Variants in TCF4 observed in about 807,000 individuals in gnomAD.
TCF4 encodes SL3-3 enhancer factor 2.
In TCF4, 3 loss-of-function variants were observed where a neutral mutation model predicts 82.1. The ratio of observed to expected loss-of-function variants is 0.04; its 90% CI spans 0.02 to 0.09. The LOEUF (loss-of-function observed/expected upper bound fraction) is 0.09, where lower values mean the gene tolerates loss of function less well. Ranked by LOEUF, TCF4 falls within the 10% of genes least tolerant of loss-of-function variation. The probability of loss-of-function intolerance (pLI) is 1.00; values close to 1 mark genes in which losing one functional copy is unlikely to be tolerated. For synonymous variants in TCF4, 276 were observed against 309.6 expected (o/e 0.89, Z 1.14); for missense variants, 518 against 852.7 (o/e 0.61, Z 4.89).
chr18:55,588,281 C>T (rs1465539351), upstream of TCF4: 6 of 1,442,690 alleles, frequency 4.2e-6, no homozygotes, highest in African/African-American at 7.2e-5. Context: ...GGGGGAAACA[C>T]GCCGAGGCGC....
At chr18:55,588,322 TG>T (rs1178491278), upstream of TCF4, 5 of 1,388,528 alleles carry the variant, frequency 3.6e-6, no homozygotes, top group Non-Finnish European at 4.7e-6. Context: ...AAGAAATGGG[TG>T]GGGGGGCTCC....
In TCF4 at chr18:55,227,857, G is replaced by GTT. The variant is rs926462793; in HGVS notation, c.*176_*177dup. 3.0e-5 allele frequency: 7 copies of GTT among 230,072 alleles called. No homozygotes were observed. Among genetic ancestry groups the GTT allele is most frequent in the African/African-American group, 1.7e-4 (7 of 42,254 alleles). The allele number at this position is 230,072 out of a possible 1,614,324, so 14.3% of individuals were successfully genotyped here. On this transcript the variant is annotated 3_prime_UTR_variant, in exon 20 of 20. Transcript: ENST00000354452. The stretch of plus-strand genomic sequence containing the variant: ...TTTTCTTTCTTTTTTTTGTTTTTCT[G>GTT]TTTTTTGATAATTGGGAATGCTGAA...
intron 8 of TCF4, chr18:55,321,806 T>C (rs1256390422): frequency 6.6e-7 from 1 of 1,510,882 alleles, no homozygotes; most frequent in African/African-American, 1.4e-5. Flanking sequence ...CTGTCCCTTT[T>C]TTCACAACAA....
chr18:55,412,448 G>T (rs890778966), intron 5 of TCF4, among the ~76,000 whole-genome samples: 3 of 151,896 alleles, frequency 2.0e-5, no homozygotes, highest in African/African-American at 7.2e-5. Flanking sequence ...TTTTGTTAAG[G>T]TTGCTCCTCA....
intron 15 of TCF4, among the ~76,000 whole-genome samples, chr18:55,235,433 T>A (rs970907863): frequency 6.6e-6 from 1 of 152,152 alleles, no homozygotes; most frequent in South Asian, 2.1e-4. Flanking sequence ...TTTTTCCATT[T>A]TTTTCCTCAC....
chr18:55,433,401 A>G (rs571735718), intron 5 of TCF4, among the ~76,000 whole-genome samples: 1 of 152,384 alleles, frequency 6.6e-6, no homozygotes, highest in South Asian at 2.1e-4. Context: ...GGATAATATC[A>G]ATAAACATGT....
chr18:55,338,284 C>G (rs1183155895), intron 8 of TCF4, among the ~76,000 whole-genome samples: 1 of 152,186 alleles, frequency 6.6e-6, no homozygotes. Context: ...AAACTATGTG[C>G]CCTCCCCCGA....
At chr18:55,457,806 T>A (rs1310762930) in intron 5 of TCF4, among the ~76,000 whole-genome samples, 1 of 152,256 alleles carries the variant, frequency 6.6e-6, no homozygotes, top group Non-Finnish European at 1.5e-5. Flanking sequence ...AGAAGTATTA[T>A]GTTTAAAAAT....
chr18:55,434,802 T>A (rs2095294725), intron 5 of TCF4, among the ~76,000 whole-genome samples: 1 of 52,610 alleles, frequency 1.9e-5, no homozygotes, highest in African/African-American at 5.1e-5. Flanking sequence ...GTGTGTATTT[T>A]AATTTTTGTA....
chr18:55,278,473 G>T lies in TCF4; in HGVS notation c.655+1078C>A, dbSNP rs577446792. Among the ~76,000 whole-genome samples the T allele has an allele frequency of 2.0e-5, 3 of 152,260 alleles. No homozygotes were observed. The East Asian group carries it at 5.8e-4, about 29-fold the overall frequency. On this transcript the variant is annotated intron_variant, in intron 9 of 19. Coordinates refer to ENST00000354452, the MANE Select transcript of TCF4 (RefSeq NM_001083962.2). ...ACACATATCAGGATGGAGCCCTTAG[G>T]GGCATCCTCCAAGTGGTTCATTCTT...
rs996385068 is a variant in TCF4 at position 55,225,410 on chromosome 18, G to GT, written c.*2624dup. The GT allele has an allele frequency of 6.6e-6, 1 of 152,536 alleles. No homozygotes were observed. Among genetic ancestry groups the GT allele is most frequent in the African/African-American group, 2.4e-5 (1 of 41,424 alleles). The allele number at this position is 152,536 out of a possible 1,614,324, so 9.4% of individuals were successfully genotyped here. On this transcript the variant is annotated 3_prime_UTR_variant, in exon 20 of 20. Coordinates refer to ENST00000354452, the MANE Select transcript of TCF4 (RefSeq NM_001083962.2). ...CTATTAAGCACCTTTATGATAACAT[G>GT]TATCAAAAGTGCCATTCTTAAAATG...
At chr18:55,330,390 G>A (rs1159725622) in intron 8 of TCF4, among the ~76,000 whole-genome samples, 1 of 151,958 alleles carries the variant, frequency 6.6e-6, no homozygotes, top group Non-Finnish European at 1.5e-5. Flanking sequence ...ACGTTGGCCA[G>A]GATGGTCTCG....
At chr18:55,590,545 C>T (rs1316002578), upstream of TCF4, among the ~76,000 whole-genome samples, 2 of 152,200 alleles carry the variant, frequency 1.3e-5, no homozygotes, top group Admixed American at 6.5e-5. Flanking sequence ...AAGCAAATAA[C>T]GCCCACTTTA....
intron 8 of TCF4, among the ~76,000 whole-genome samples, chr18:55,319,978 T>C (rs2075091800): frequency 6.6e-6 from 1 of 152,182 alleles, no homozygotes; most frequent in African/African-American, 2.4e-5. Flanking sequence ...ATAATGTAAG[T>C]CTTTCATTAC....
At chr18:55,597,632 A>C (rs546987039) in intron 2 of TCF4, among the ~76,000 whole-genome samples, 1 of 151,970 alleles carries the variant, frequency 6.6e-6, no homozygotes, top group East Asian at 1.9e-4. Flanking sequence ...GCAGCACTGC[A>C]CTCCAGCCTG....
At chr18:55,283,572 T>C (rs2063059584) in intron 8 of TCF4, among the ~76,000 whole-genome samples, 3 of 152,326 alleles carry the variant, frequency 2.0e-5, no homozygotes, top group South Asian at 2.1e-4. Flanking sequence ...ATATTATTAA[T>C]AGTATCTGCC....
At chr18:55,298,780 A>G (rs1020846797) in intron 8 of TCF4, among the ~76,000 whole-genome samples, 6 of 152,250 alleles carry the variant, frequency 3.9e-5, no homozygotes, top group African/African-American at 7.2e-5. Context: ...ATTATGAAAT[A>G]GCAAAATAAA....
chr18:55,601,123 C>T (rs986341816), intron 2 of TCF4, among the ~76,000 whole-genome samples: 5 of 152,304 alleles, frequency 3.3e-5, no homozygotes, highest in African/African-American at 1.2e-4. Context: ...AACCACGTTA[C>T]ACACTCAAAA....
intron 3 of TCF4, among the ~76,000 whole-genome samples, chr18:55,549,074 G>A (rs2097233929): frequency 6.6e-6 from 1 of 152,082 alleles, no homozygotes; most frequent in African/African-American, 2.4e-5. Flanking sequence ...GTCAAGGCAG[G>A]TGGATCACTT....
Sources: allele counts gnomAD v4.1 joint callset (sites outside exome capture counted in the v4.1 genomes callset), GRCh38; gene constraint gnomAD v4.1.1; transcripts MANE v1.5; gene names NCBI Gene and HGNC (gene_info 2026-07-23, HGNC 2026-07-21).